Variants in TLE3 observed in about 807,000 individuals in gnomAD.
TLE3 encodes the protein transducin-like enhancer protein 3.
In TLE3, 14 loss-of-function variants were observed where a neutral mutation model predicts 93.0. The observed-to-expected ratio is 0.15, with a 90% confidence interval of 0.10 to 0.24. TLE3 has a LOEUF of 0.24. Among genes scored for constraint, TLE3 ranks in the 10% least tolerant of loss-of-function variants. The pLI is 1.00. For synonymous variants in TLE3, 451 were observed against 425.0 expected (o/e 1.06, Z -0.75); for missense variants, 693 against 1,046.6 (o/e 0.66, Z 4.66).
chr15:70,054,823 C>T, intron 15 of TLE3, 138 bp from the exon 16 acceptor site: 1 of 1,302,794 alleles, frequency 7.7e-7, no homozygotes, highest in Non-Finnish European at 1.0e-6. Context: ...CCAGGCTGTC[C>T]CCATTCCTCA....
intron 4 of TLE3, among the ~76,000 whole-genome samples, chr15:70,088,479 G>A (rs1258136974): frequency 6.6e-6 from 1 of 152,202 alleles, no homozygotes; most frequent in Admixed American, 6.5e-5. Flanking sequence ...AAGGAAAAAG[G>A]AAGAAAGCAT....
At chr15:70,059,604 G>T in intron 9 of TLE3, 144 bp from the exon 10 acceptor site, 1 of 743,550 alleles carries the variant, frequency 1.3e-6, no homozygotes, top group Non-Finnish European at 2.2e-6. Flanking sequence ...CTCCAGCCCT[G>T]CCCTTCAACA....
Position 70,058,998 on chromosome 15 carries a change from G to A in TLE3, c.766-183C>T, listed in dbSNP as rs1005714548. 6.6e-6 allele frequency among the ~76,000 whole-genome samples: 1 copy of A among 152,202 alleles called. No homozygotes were observed. The highest frequency in any genetic ancestry group is 6.5e-5 in the Admixed American group (1 of 15,292). On this transcript the variant is annotated intron_variant, in intron 10 of 19. Coordinates refer to ENST00000451782, the MANE Select transcript of TLE3 (RefSeq NM_001105192.3). The surrounding 1 kb of genome is among the most constrained non-coding windows in gnomAD (Gnocchi z 4.1). Reference sequence around the variant, plus strand: ...ATCTGGTCTGACTGAGGCCTAGGGAGGGTGGAAGGATGGTCTTCCCAATGT... The same window carrying A: ...ATCTGGTCTGACTGAGGCCTAGGGAAGGTGGAAGGATGGTCTTCCCAATGT...
At chr15:70,094,824 G>T (rs1567062447) in intron 3 of TLE3, 4 of 504,692 alleles carry the variant, frequency 7.9e-6, no homozygotes, top group Non-Finnish European at 1.4e-5. Flanking sequence ...CCTCCCACAA[G>T]CACCACATGT....
chr15:70,092,816 C>T (rs752816963), intron 4 of TLE3, among the ~76,000 whole-genome samples: 2 of 152,232 alleles, frequency 1.3e-5, no homozygotes, highest in Admixed American at 6.5e-5. Flanking sequence ...CACAGACATG[C>T]GGAACACCAC....
intron 6 of TLE3, among the ~76,000 whole-genome samples, chr15:70,072,001 C>T (rs1235212705): frequency 1.3e-5 from 2 of 152,214 alleles, no homozygotes; most frequent in African/African-American, 2.4e-5. Context: ...CTCCCCAGTG[C>T]GAGCACGACT....
rs376448295 is a variant in TLE3 at position 70,057,670 on chromosome 15, G to A, written c.1052-12C>T. The A allele has an allele frequency of 3.0e-5, 46 of 1,557,634 alleles. No individual in the cohort carries two copies. The highest frequency in any genetic ancestry group is 4.3e-6 in the Non-Finnish European group (5 of 1,158,188). ...GCGCAGAGCCGAGGCTGCGAGGGGTGGGCGTCAGGGAGGTGGGCCTTAGGT... is the reference window on the plus strand; with the variant it reads ...GCGCAGAGCCGAGGCTGCGAGGGGTAGGCGTCAGGGAGGTGGGCCTTAGGT... On this transcript the variant is annotated splice_polypyrimidine_tract_variant and intron_variant, in intron 12 of 19. Transcript: ENST00000451782.
intron 6 of TLE3, 150 bp downstream of exon 6, chr15:70,074,383 C>T: frequency 3.1e-6 from 3 of 952,882 alleles, no homozygotes; most frequent in Non-Finnish European, 4.7e-6. Flanking sequence ...CTACATGGGT[C>T]CAAGCCCTTG....
chr15:70,083,517 C>A (rs953831988), intron 4 of TLE3, among the ~76,000 whole-genome samples: 1 of 139,468 alleles, frequency 7.2e-6, no homozygotes. Flanking sequence ...ACACCGCCCC[C>A]ACCCTTCCCT....
At chr15:70,050,795 G>C (rs951958479) in intron 19 of TLE3, 4 of 158,012 alleles carry the variant, frequency 2.5e-5, no homozygotes, top group Non-Finnish European at 5.6e-5. Context: ...AGTGTGTGGG[G>C]GAGACCAAGT....
rs142391489 is a variant in TLE3 at position 70,050,057 on chromosome 15, G to A, written c.*40C>T. 1.2e-3 allele frequency: 1,951 copies of A among 1,568,382 alleles called. 25 individuals are homozygous for A. In the East Asian group the frequency reaches 0.018, roughly 15 times the overall value. On this transcript the variant is annotated 3_prime_UTR_variant, in exon 20 of 20. Coordinates refer to ENST00000451782, the MANE Select transcript of TLE3 (RefSeq NM_001105192.3). The stretch of plus-strand genomic sequence containing the variant: ...GGGGTCTCCCTGTCAGAGCCGAGTC[G>A]GTTTCTCCCAGAGTTTGACAGCCCT...
chr15:70,070,635 C>G (rs145992045), intron 6 of TLE3, among the ~76,000 whole-genome samples: 108 of 152,320 alleles, frequency 7.1e-4, no homozygotes, highest in Non-Finnish European at 1.2e-3. Context: ...TCACAACAAC[C>G]CTTGTGATCC....
In TLE3 at chr15:70,058,364, C is replaced by A; in HGVS notation, c.919-73G>T. ...TCCTAGGAGCCGGGCACAACTGGTG[C>A]CGGTCCCAACGTGAAGCCCAGAGCC... On this transcript the variant is annotated intron_variant, in intron 11 of 19. Transcript: ENST00000451782. The surrounding 1 kb of genome is among the most constrained non-coding windows in gnomAD (Gnocchi z 4.1). 2 of 1,529,532 alleles carry A rather than the reference C, an allele frequency of 1.3e-6. No individual in the cohort carries two copies. The highest frequency in any genetic ancestry group is 1.8e-6 in the Non-Finnish European group (2 of 1,138,150). 94.7% of individuals were successfully genotyped at this position (1,529,532 alleles called of 1,614,324 possible). A position where few individuals can be genotyped will look rare whatever the true frequency, so the allele number is the denominator to read the frequency against.
chr15:70,063,534 C>T (rs554959892), intron 8 of TLE3, among the ~76,000 whole-genome samples: 1 of 152,158 alleles, frequency 6.6e-6, no homozygotes, highest in Non-Finnish European at 1.5e-5. Flanking sequence ...GAGAGAGCTG[C>T]GCAAGGAAGC....
chr15:70,095,207 G>A (rs1000190526), intron 3 of TLE3, among the ~76,000 whole-genome samples: 1 of 152,228 alleles, frequency 6.6e-6, no homozygotes, highest in Non-Finnish European at 1.5e-5. Context: ...AGGTCACTAA[G>A]AGAGATTTTT....
intron 1 of TLE3, chr15:70,096,571 C>T (rs1282673749): frequency 7.3e-6 from 11 of 1,500,886 alleles, no homozygotes; most frequent in African/African-American, 1.4e-5. Context: ...CCCCCTGGAA[C>T]ACAAGCAGCC....
rs929407302 is a variant in TLE3, at chr15:70,049,934, T to C, written c.*163A>G. On this transcript the variant is annotated 3_prime_UTR_variant, in exon 20 of 20. Transcript: ENST00000451782. ...TCAATCCAGGCCCAGGAGTCCAGAC[T>C]GTGACGGGGCACGTGCCCTCTCAGC... 59 of 606,186 alleles carry C rather than the reference T, an allele frequency of 9.7e-5. No individual in the cohort carries two copies. In the East Asian group the frequency reaches 1.3e-3, roughly 14 times the overall value. The allele number at this position is 606,186 out of a possible 1,614,324, so 37.6% of individuals were successfully genotyped here.
At position 70,052,408 on chromosome 15, in the gene TLE3, C is replaced by G; in HGVS notation, c.2091G>C (p.Glu697Asp). The G allele has an allele frequency of 6.2e-7, 1 of 1,613,990 alleles. No individual in the cohort carries two copies. The highest frequency in any genetic ancestry group is 2.2e-5 in the East Asian group (1 of 44,888). Residue 697 changes from glutamate (E) to aspartate (D), a missense_variant, in exon 18 of 20, where the codon GAG becomes GAC. Around this residue, in one of 4 missense-constraint regions of TLE3, gnomAD observed 153 missense variants for 379.9 expected, o/e 0.40. Coordinates refer to ENST00000451782, the MANE Select transcript of TLE3 (RefSeq NM_001105192.3). ...CGAACTTGAGGGAGAGCACGCAGCT[C>G]TCGTGCAGGTGCAGCTGGTACTTGT... ...KPDKYQLHLH[E>D]SCVLSLKFAY...
intron 19 of TLE3, chr15:70,050,765 CAA>C (rs1491329486): frequency 3.5e-4 from 55 of 155,372 alleles, no homozygotes; most frequent in Admixed American, 2.2e-3. Flanking sequence ...TGTGGAAGCG[CAA>C]GAGAGAGAGA....
Sources: gnomAD v4.1 joint callset for allele counts (sites outside exome capture counted in the v4.1 genomes callset) on GRCh38, gnomAD v4.1.1 for gene constraint, gnomAD v4.1.1 regional missense constraint, Gnocchi (gnomAD v3.1) non-coding constraint, MANE v1.5 for transcripts, NCBI Gene and HGNC (gene_info 2026-07-23, HGNC 2026-07-21) for gene names.